CHD9: variants seen among roughly 807,000 people sequenced by gnomAD.
CHD9 encodes ATP-dependent chromatin remodeler CHD9.
In CHD9, 77 loss-of-function variants were observed where a neutral mutation model predicts 316.1. The observed-to-expected ratio is 0.24, with a 90% CI of 0.20 to 0.29. The LOEUF (loss-of-function observed/expected upper bound fraction) is 0.29. Ranked by LOEUF, CHD9 falls within the 10% of genes least tolerant of loss-of-function variation. CHD9 has a pLI of 1.00. For missense variants in CHD9, 2,763 were observed against 3,438.1 expected, an observed-to-expected ratio of 0.80 and a Z score of 4.91; for synonymous variants, 1,129 against 1,158.3, an observed-to-expected ratio of 0.97 and a Z score of 0.51.
chr16:53,130,545 G>A lies in CHD9; in HGVS notation c.-164-25381G>A, dbSNP rs1399604143. On this transcript the variant is annotated intron_variant, in intron 1 of 38. Coordinates refer to ENST00000447540, the MANE Select transcript of CHD9 (RefSeq NM_001308319.2). ...GCGGCCTGACGTGGCGGCCGCGGCG[G>A]GGCTGCCGGGGGAGCCCGGACCACT... is the stretch of plus-strand genomic sequence containing the variant. 2.7e-5 allele frequency among the ~76,000 whole-genome samples: 4 copies of A among 149,556 alleles called. No homozygotes were observed. In the East Asian group the frequency reaches 7.8e-4, roughly 29 times the overall value.
intron 20 of CHD9, among the ~76,000 whole-genome samples, chr16:53,265,593 T>C (rs1441941832): frequency 4.6e-5 from 7 of 152,196 alleles, no homozygotes; most frequent in Admixed American, 4.6e-4. Context: ...GATATTGGAT[T>C]AGCATTTGGG....
chr16:53,295,699 A>G (rs536656978), intron 29 of CHD9, among the ~76,000 whole-genome samples: 1 of 152,242 alleles, frequency 6.6e-6, no homozygotes, highest in South Asian at 2.1e-4. Flanking sequence ...CAAGCTAACT[A>G]TTTTTACATC....
chr16:53,319,789 T>C, intron 37 of CHD9: 1 of 1,232,904 alleles, frequency 8.1e-7, no homozygotes, highest in Non-Finnish European at 1.0e-6. Context: ...GAGTTTCTAA[T>C]TGTCTTGAGT....
chr16:53,081,945 G>A (rs936078188), intron 1 of CHD9, among the ~76,000 whole-genome samples: 1 of 152,054 alleles, frequency 6.6e-6, no homozygotes, highest in Admixed American at 6.6e-5. Flanking sequence ...ATTTAAAAAA[G>A]TCTAACACCT....
chr16:53,153,853 A>C (rs1025628735), intron 1 of CHD9, among the ~76,000 whole-genome samples: 1 of 152,126 alleles, frequency 6.6e-6, no homozygotes, highest in Non-Finnish European at 1.5e-5. Context: ...TTCCAGATTT[A>C]TTTATGATAT....
chr16:53,287,863 A>T, intron 26 of CHD9, 94 bp from the exon 27 acceptor site: 1 of 1,038,518 alleles, frequency 9.6e-7, no homozygotes, highest in Non-Finnish European at 1.5e-6. Flanking sequence ...TCTGACTTTT[A>T]AAACAAACTA....
At chr16:53,066,537 G>A (rs2033533679) in intron 1 of CHD9, among the ~76,000 whole-genome samples, 1 of 152,206 alleles carries the variant, frequency 6.6e-6, no homozygotes, top group Non-Finnish European at 1.5e-5. Context: ...GAGACCTTGA[G>A]CTCCTGGAGG....
In CHD9 at chr16:53,303,897, G is replaced by A. The variant is rs1364242410; in HGVS notation, c.5891G>A (p.Gly1964Asp). The A allele has an allele frequency of 1.2e-6, 2 of 1,614,020 alleles. No homozygotes were observed. Among genetic ancestry groups the A allele is most frequent in the Non-Finnish European group, 1.7e-6 (2 of 1,179,886 alleles). Residue 1964 changes from glycine (G) to aspartate (D), a missense_variant, in exon 31 of 39, where the codon GGC becomes GAC. Around this residue, in one of 15 missense-constraint regions of CHD9, gnomAD observed 663 missense variants for 751.2 expected, o/e 0.88. Coordinates refer to ENST00000447540, the MANE Select transcript of CHD9 (RefSeq NM_001308319.2). Reference sequence around the variant, plus strand: ...GATTTACCAGTCTGGTGGGAATGTGGCCCTCATGATAGGGATTTGCTTATT... The same window carrying A: ...GATTTACCAGTCTGGTGGGAATGTGACCCTCATGATAGGGATTTGCTTATT... ...NPDLPVWWECGPHDRDLLIGA... is the reference protein window; with the variant it reads ...NPDLPVWWECDPHDRDLLIGA...
intron 2 of CHD9, among the ~76,000 whole-genome samples, chr16:53,207,639 G>C (rs1179098487): frequency 6.6e-6 from 1 of 151,048 alleles, no homozygotes; most frequent in Non-Finnish European, 1.5e-5. Flanking sequence ...TTAACCCTTT[G>C]CTAATCTTCA....
At chr16:53,076,830 A>G (rs972132876) in intron 1 of CHD9, among the ~76,000 whole-genome samples, 2 of 79,422 alleles carry the variant, frequency 2.5e-5, no homozygotes, top group African/African-American at 1.2e-4. Context: ...AATTTAAAAA[A>G]TGTATTTATT....
chr16:53,070,344 T>A (rs1185821060), intron 1 of CHD9, among the ~76,000 whole-genome samples: 1 of 152,210 alleles, frequency 6.6e-6, no homozygotes, highest in African/African-American at 2.4e-5. Flanking sequence ...GTTTTCCCTC[T>A]ATATTTTCTT....
intron 3 of CHD9, among the ~76,000 whole-genome samples, chr16:53,221,807 G>T (rs2047260240): frequency 6.6e-6 from 1 of 152,112 alleles, no homozygotes; most frequent in South Asian, 2.1e-4. Flanking sequence ...TTGTTAAAGT[G>T]CCTTAAGTAA....
chr16:53,204,175 A>G (rs1299041902), intron 2 of CHD9, among the ~76,000 whole-genome samples: 1 of 150,796 alleles, frequency 6.6e-6, no homozygotes, highest in Non-Finnish European at 1.5e-5. Context: ...CCAGCCTGCC[A>G]GGAGAGGAAC....
chr16:53,319,776 G>A, intron 37 of CHD9: 3 of 1,199,270 alleles, frequency 2.5e-6, no homozygotes, highest in South Asian at 1.4e-5. Flanking sequence ...TCCTTAATTT[G>A]TAGAGTTTCT....
chr16:53,236,614 T>TC (rs142851227), intron 11 of CHD9, among the ~76,000 whole-genome samples: 7,779 of 142,978 alleles, frequency 0.054, 390 homozygotes, highest in African/African-American at 0.14. Context: ...GTCTCCCCAT[T>TC]CCCCCCCACC....
intron 1 of CHD9, among the ~76,000 whole-genome samples, chr16:53,077,953 A>C (rs1171076670): frequency 1.3e-5 from 2 of 152,198 alleles, no homozygotes; most frequent in East Asian, 3.9e-4. Context: ...GCTCATCTGT[A>C]GTCCCAGCTA....
chr16:53,104,832 A>G (rs1280720533), intron 1 of CHD9, among the ~76,000 whole-genome samples: 1 of 149,540 alleles, frequency 6.7e-6, no homozygotes, highest in African/African-American at 2.5e-5. Context: ...AAAAAAAGTT[A>G]TAATGAACTT....
At chr16:53,131,666 G>T (rs1367868679) in intron 1 of CHD9, among the ~76,000 whole-genome samples, 8 of 151,916 alleles carry the variant, frequency 5.3e-5, no homozygotes, top group Admixed American at 3.3e-4. Flanking sequence ...CCTCCCCCGG[G>T]TTGGGTTCCC....
chr16:53,181,798 G>A (rs2043545181), intron 2 of CHD9, among the ~76,000 whole-genome samples: 1 of 152,078 alleles, frequency 6.6e-6, no homozygotes, highest in Non-Finnish European at 1.5e-5. Flanking sequence ...GATAAAACAG[G>A]GCTGGATGCG....
Sources: gnomAD v4.1 joint callset for allele counts (sites outside exome capture counted in the v4.1 genomes callset) on GRCh38, gnomAD v4.1.1 for gene constraint, gnomAD v4.1.1 regional missense constraint, MANE v1.5 for transcripts, NCBI Gene and HGNC (gene_info 2026-07-23, HGNC 2026-07-21) for gene names.